Variants in OSBP2 observed in about 807,000 individuals in gnomAD.
The protein encoded by OSBP2 is oxysterol-binding protein 2.
Under a neutral mutation model 96.0 loss-of-function variants are expected in OSBP2, and 66 were observed. That is an observed-to-expected ratio of 0.69 (90% CI 0.56 to 0.84). The LOEUF is 0.84. Ranked by LOEUF, OSBP2 falls within the 40% of genes least tolerant of loss-of-function variation. OSBP2 has a pLI of 0.00. For missense variants in OSBP2, 1,038 were observed against 1,222.7 expected, an observed-to-expected ratio of 0.85 and a Z score of 2.25; for synonymous variants, 525 against 520.9, an observed-to-expected ratio of 1.01 and a Z score of -0.11.
intron 2 of OSBP2, among the ~76,000 whole-genome samples, chr22:30,778,361 G>T (rs559274790): frequency 1.5e-3 from 219 of 150,998 alleles, no homozygotes; most frequent in African/African-American, 5.0e-3. Context: ...GGCCACCACC[G>T]TGTTCTCCTT....
intron 13 of OSBP2, 26 bp downstream of exon 13, chr22:30,906,095 C>A: frequency 1.8e-6 from 2 of 1,112,700 alleles, no homozygotes; most frequent in East Asian, 4.6e-5. Context: ...AAGGGCGCCC[C>A]GGAGGGGAGG....
chr22:30,857,635 G>A (rs944675794), intron 2 of OSBP2, among the ~76,000 whole-genome samples: 5 of 152,144 alleles, frequency 3.3e-5, no homozygotes, highest in East Asian at 1.9e-4. Flanking sequence ...TCCTCATTGC[G>A]GGCCAGCCAC....
chr22:30,801,056 T>C (rs1421643064), intron 2 of OSBP2, among the ~76,000 whole-genome samples: 1 of 152,222 alleles, frequency 6.6e-6, no homozygotes, highest in East Asian at 1.9e-4. Context: ...GAAGAAACCT[T>C]CTGTCATAAG....
intron 2 of OSBP2, among the ~76,000 whole-genome samples, chr22:30,779,865 G>C (rs1247195477): frequency 6.6e-6 from 1 of 152,126 alleles, no homozygotes; most frequent in African/African-American, 2.4e-5. Flanking sequence ...CCCGGTGAAG[G>C]CTGGTCCTTG....
chr22:30,767,138 C>CAAAAAAAAAAAAA (rs1156950666), intron 2 of OSBP2, among the ~76,000 whole-genome samples: 3 of 78,436 alleles, frequency 3.8e-5, no homozygotes, highest in African/African-American at 9.4e-5. Context: ...ACTAAAAATA[C>CAAAAAAAAAAAAA]AAAAAAAAAA....
At chr22:30,723,759 T>A (rs2145708512) in intron 1 of OSBP2, among the ~76,000 whole-genome samples, 1 of 152,220 alleles carries the variant, frequency 6.6e-6, no homozygotes, top group South Asian at 2.1e-4. Context: ...CAGTTTTAGA[T>A]TCACAACAGA....
chr22:30,701,799 G>C (rs1390131803), intron 1 of OSBP2, among the ~76,000 whole-genome samples: 1 of 152,160 alleles, frequency 6.6e-6, no homozygotes, highest in Non-Finnish European at 1.5e-5. Flanking sequence ...ATTGGATTCA[G>C]CTTTAATTTG....
chr22:30,842,634 TTTG>T (rs1334988828), intron 2 of OSBP2: 1 of 157,444 alleles, frequency 6.4e-6, no homozygotes, highest in African/African-American at 2.4e-5. Flanking sequence ...TTCTGAATCC[TTTG>T]TTATCATTTC....
intron 2 of OSBP2, among the ~76,000 whole-genome samples, chr22:30,795,715 C>A (rs993079840): frequency 2.6e-5 from 4 of 151,974 alleles, no homozygotes; most frequent in Admixed American, 2.6e-4. Context: ...GATGGGGTTT[C>A]TCCATGTTGG....
chr22:30,748,281 G>A (rs1023422899), intron 2 of OSBP2, among the ~76,000 whole-genome samples: 1 of 152,056 alleles, frequency 6.6e-6, no homozygotes, highest in African/African-American at 2.4e-5. Context: ...CGCCTCCTGA[G>A]GCCGGTCTTG....
chr22:30,887,984 TGA>T (rs913580192), intron 4 of OSBP2, among the ~76,000 whole-genome samples: 2 of 152,218 alleles, frequency 1.3e-5, no homozygotes, highest in African/African-American at 4.8e-5. Context: ...ACCCACATGT[TGA>T]GAGATCGGGG....
At chr22:30,884,367 G>A (rs965025182) in intron 3 of OSBP2, among the ~76,000 whole-genome samples, 3 of 152,162 alleles carry the variant, frequency 2.0e-5, no homozygotes, top group East Asian at 1.9e-4. Flanking sequence ...GGGCATCACC[G>A]TCTGTCTCAC....
chr22:30,814,860 G>T (rs977909092), intron 2 of OSBP2, among the ~76,000 whole-genome samples: 3 of 152,202 alleles, frequency 2.0e-5, no homozygotes, highest in African/African-American at 7.2e-5. Flanking sequence ...ATGAGAATCT[G>T]GGAAGTAAAG....
At chr22:30,711,050 C>T (rs548725342) in intron 1 of OSBP2, among the ~76,000 whole-genome samples, 89 of 152,272 alleles carry the variant, frequency 5.8e-4, no homozygotes, top group Non-Finnish European at 1.1e-3. Context: ...CAGCCTTGTA[C>T]TTGTCTTGTC....
chr22:30,835,750 C>G (rs2038617629), intron 2 of OSBP2, among the ~76,000 whole-genome samples: 1 of 136,484 alleles, frequency 7.3e-6, no homozygotes, highest in Non-Finnish European at 1.6e-5. Flanking sequence ...GATACAAAGT[C>G]TCATTTTGTT....
chr22:30,904,263 C>T (rs921815562), intron 12 of OSBP2, among the ~76,000 whole-genome samples: 6 of 152,204 alleles, frequency 3.9e-5, no homozygotes, highest in Admixed American at 2.0e-4. Flanking sequence ...GTTACAAGCC[C>T]TCCGCAATCC....
chr22:30,784,676 T>C (rs1198879757), intron 2 of OSBP2, among the ~76,000 whole-genome samples: 1 of 152,246 alleles, frequency 6.6e-6, no homozygotes, highest in Non-Finnish European at 1.5e-5. Context: ...GCATTTACTC[T>C]GATTTTGAAT....
Position 30,889,210 on chromosome 22 carries a change from C to T in OSBP2, c.1452C>T (p.Ser484=), listed in dbSNP as rs540332661. 1.5e-5 allele frequency: 25 copies of T among 1,613,362 alleles called. No homozygotes were observed. Among genetic ancestry groups the T allele is most frequent in the African/African-American group, 1.2e-4 (9 of 74,976 alleles). ...RKAEGSTGTS[S]VDWSSADNVL... is the part of the protein sequence containing the mutation. ...CTGAAGGTAGCACCGGGACAAGTTC[C>T]GTGGACTGGAGCTCAGCAGACAATG... Residue 484 remains serine (S), a synonymous_variant, in exon 6 of 14, where the codon TCC becomes TCT. Coordinates refer to ENST00000332585, the MANE Select transcript of OSBP2 (RefSeq NM_030758.4).
intron 12 of OSBP2, among the ~76,000 whole-genome samples, chr22:30,896,568 G>A (rs975445984): frequency 6.6e-6 from 1 of 151,118 alleles, no homozygotes; most frequent in African/African-American, 2.4e-5. Flanking sequence ...ATAGCAATAG[G>A]CCCAAGCATT....
Sources: allele counts gnomAD v4.1 joint callset (sites outside exome capture counted in the v4.1 genomes callset), GRCh38; gene constraint gnomAD v4.1.1; transcripts MANE v1.5; gene names NCBI Gene and HGNC (gene_info 2026-07-23, HGNC 2026-07-21).